The following CKM variants were observed in gnomAD, a reference collection of about 807,000 sequenced individuals.
CKM encodes creatine kinase M-type.
A neutral mutation model predicts 35.4 loss-of-function variants in CKM; 28 were observed. The observed-to-expected ratio is 0.79, with a 90% CI of 0.59 to 1.08. The LOEUF (loss-of-function observed/expected upper bound fraction) is 1.08. CKM is among the 50% of genes least tolerant of loss of function. The probability of loss-of-function intolerance (pLI) is 0.00; values close to 1 mark genes in which losing one functional copy is unlikely to be tolerated. For synonymous variants in CKM, 215 were observed against 204.4 expected (o/e 1.05, Z -0.44); for missense variants, 484 against 509.8 (o/e 0.95, Z 0.49).
chr19:45,319,029 G>A (rs1971186103), intron 2 of CKM, among the ~76,000 whole-genome samples: 2 of 151,898 alleles, frequency 1.3e-5, no homozygotes, highest in South Asian at 4.2e-4. Context: ...TAATTTTTTT[G>A]TATTTTTTGT....
At chr19:45,314,997 C>G (rs1373245674) in intron 4 of CKM, among the ~76,000 whole-genome samples, 1 of 151,994 alleles carries the variant, frequency 6.6e-6, no homozygotes, top group Non-Finnish European at 1.5e-5. Context: ...CCACTGTGCC[C>G]GGCCTCAACT....
rs766991883 is a variant in CKM, at chr19:45,306,748, G to A, written c.*2C>T. 6.2e-7 allele frequency: 1 copy of A among 1,613,970 alleles called. No homozygotes were observed. ...AGCAGTCGGTGGCAGGTGGGCAGGCGCCTACTTCTGGGCGGGGATCATGTC... is the reference window on the plus strand; with the variant it reads ...AGCAGTCGGTGGCAGGTGGGCAGGCACCTACTTCTGGGCGGGGATCATGTC... On this transcript the variant is annotated 3_prime_UTR_variant, in exon 8 of 8. Coordinates refer to ENST00000221476, the MANE Select transcript of CKM (RefSeq NM_001824.5). This position sits in a 1 kb window ranked among gnomAD's most constrained non-coding sequence, Gnocchi z 4.5.
At chr19:45,307,336 A>G in intron 7 of CKM, 125 bp downstream of exon 7, 1 of 820,278 alleles carries the variant, frequency 1.2e-6, no homozygotes, top group Non-Finnish European at 2.0e-6. Flanking sequence ...AAGAAATGCA[A>G]GCTCACAGAG....
rs763773888 is a variant in CKM at position 45,311,802 on chromosome 19, C to T, written c.600G>A (p.Pro200=). The change falls in exon 5 of 8, where the codon CCG becomes CCA. Residue 200 remains proline (P), a synonymous_variant. Transcript: ENST00000221476. ...GGGCCATGCCTGAGGCCAGCAGCAGCGGGGACACGGGCTTGTCGAACAGGA... is the reference window on the plus strand; with the variant it reads ...GGGCCATGCCTGAGGCCAGCAGCAGTGGGGACACGGGCTTGTCGAACAGGA... ...DHFLFDKPVS[P]LLLASGMARD... 1.4e-5 allele frequency: 22 copies of T among 1,609,276 alleles called. No homozygotes were observed. The highest frequency in any genetic ancestry group is 4.4e-5 in the South Asian group (4 of 90,260).
chr19:45,307,426 C>G, intron 7 of CKM, 35 bp downstream of exon 7: 1 of 1,605,468 alleles, frequency 6.2e-7, no homozygotes, highest in Non-Finnish European at 8.5e-7. Flanking sequence ...CCTCGCTCCC[C>G]CTCCGTCGTG....
At chr19:45,308,248 T>G (rs1487824052) in intron 6 of CKM, among the ~76,000 whole-genome samples, 161 bp downstream of exon 6, 11 of 47,284 alleles carry the variant, frequency 2.3e-4, no homozygotes, top group Admixed American at 1.3e-3. Flanking sequence ...GGGCTAGTTT[T>G]GGGGGGCGGG....
chr19:45,321,653 C>T (rs1042366952), intron 1 of CKM, among the ~76,000 whole-genome samples: 6 of 151,696 alleles, frequency 4.0e-5, no homozygotes, highest in African/African-American at 1.5e-4. Flanking sequence ...GAGATGGGGT[C>T]TCACTATGTT....
At chr19:45,318,613 C>T (rs1296712398) in intron 2 of CKM, among the ~76,000 whole-genome samples, 2 of 152,032 alleles carry the variant, frequency 1.3e-5, no homozygotes, top group Admixed American at 6.6e-5. Flanking sequence ...AAAGTCATGA[C>T]ATCTTAGCCT....
chr19:45,309,678 A>G (rs769652502), intron 5 of CKM, among the ~76,000 whole-genome samples: 15 of 152,062 alleles, frequency 9.9e-5, no homozygotes, highest in Non-Finnish European at 1.6e-4. Flanking sequence ...CCTGAGCAAC[A>G]TGGCAGAACG....
intron 5 of CKM, among the ~76,000 whole-genome samples, chr19:45,311,178 A>G (rs1049411144): frequency 3.3e-5 from 5 of 150,660 alleles, no homozygotes; most frequent in Non-Finnish European, 7.4e-5. Context: ...GCAGCCTCCC[A>G]AAGTGCTGGG....
chr19:45,311,672 GGAGGAGT>G, intron 5 of CKM, 70 bp downstream of exon 5: 1 of 1,263,352 alleles, frequency 7.9e-7, no homozygotes, highest in Non-Finnish European at 1.1e-6. Flanking sequence ...TGGTTTTGGT[GGAGGAGT>G]GAGGAGGGCC....
rs201470105 is a variant in CKM, at chr19:45,319,553, T to C, written c.161A>G (p.Asp54Gly). 7.4e-6 allele frequency: 12 copies of C among 1,614,060 alleles called. No individual in the cohort carries two copies. The East Asian group carries it at 2.7e-4, about 36-fold the overall frequency. The change falls in exon 2 of 8, where the codon GAC becomes GGC. Residue 54 changes from aspartate to glycine, a missense_variant. Physicochemically the swap from Asp to Gly is moderately conservative, Grantham distance 94. Coordinates refer to ENST00000221476, the MANE Select transcript of CKM (RefSeq NM_001824.5). ...GTCCACTCCTGTCTGGATGACATCG[T>C]CTACAGTGAAGCCAGATGGAGTCTC... is the stretch of plus-strand genomic sequence containing the variant. ...DKETPSGFTV[D>G]DVIQTGVDNP...
Position 45,306,868 on chromosome 19 carries a change from C to G in CKM, c.1028G>C (p.Gly343Ala). 1.2e-6 allele frequency: 2 copies of G among 1,614,190 alleles called. No homozygotes were observed. Among genetic ancestry groups the G allele is most frequent in the Non-Finnish European group, 1.7e-6 (2 of 1,180,030 alleles). ...VFDVSNADRL[G>A]SSEVEQVQLV... ...CTGCACCTGTTCTACTTCGGACGAG[C>G]CCAGCCGATCAGCGTTGGACACGTC... Residue 343 changes from glycine to alanine, a missense_variant, in exon 8 of 8, where the codon GGC (glycine) becomes GCC (alanine). Transcript: ENST00000221476. This position sits in a 1 kb window ranked among gnomAD's most constrained non-coding sequence, Gnocchi z 4.5.
intron 4 of CKM, among the ~76,000 whole-genome samples, chr19:45,313,869 T>G (rs1161372139): frequency 6.6e-6 from 1 of 151,692 alleles, no homozygotes; most frequent in African/African-American, 2.4e-5. Flanking sequence ...CTTTTCAAAC[T>G]ATTACTGCTG....
chr19:45,310,159 C>T (rs1176112664), intron 5 of CKM, among the ~76,000 whole-genome samples: 45 of 112,558 alleles, frequency 4.0e-4, no homozygotes, highest in Non-Finnish European at 5.0e-4. Context: ...CTTGGTCTGT[C>T]GCCCAGGCTG....
intron 2 of CKM, 87 bp downstream of exon 2, chr19:45,319,434 C>CT: frequency 2.9e-6 from 3 of 1,033,036 alleles, no homozygotes; most frequent in South Asian, 2.7e-5. Context: ...AGGCCCCCCC[C>CT]CCTTCAAGGG....
At chr19:45,308,598 C>T (rs1599814319) in intron 5 of CKM, 66 bp from the exon 6 acceptor site, 2 of 1,609,126 alleles carry the variant, frequency 1.2e-6, no homozygotes, top group South Asian at 1.1e-5. Flanking sequence ...TCCCAGCCCT[C>T]CCCCAAAACA....
At position 45,318,090 on chromosome 19, in the gene CKM, A is replaced by C; in HGVS notation, c.194-111T>G. The C allele has an allele frequency of 3.7e-6, 3 of 805,166 alleles. No individual in the cohort carries two copies. In the South Asian group the frequency reaches 4.7e-5, roughly 13 times the overall value. 49.9% of individuals were successfully genotyped at this position (805,166 alleles called of 1,614,324 possible). A position where few individuals can be genotyped will look rare whatever the true frequency, so the allele number is the denominator to read the frequency against. On this transcript the variant is annotated intron_variant, in intron 2 of 7. Transcript: ENST00000221476. Reference sequence around the variant, plus strand: ...TGTGTGTCGGGATGGGGGCGGGTACATTCAATACCTCTGGGTGGGAATTGA... The same window carrying C: ...TGTGTGTCGGGATGGGGGCGGGTACCTTCAATACCTCTGGGTGGGAATTGA...
chr19:45,321,764 G>A (rs2123148269), intron 1 of CKM, among the ~76,000 whole-genome samples: 1 of 152,228 alleles, frequency 6.6e-6, no homozygotes, highest in Middle Eastern at 3.4e-3. Context: ...AGGTCCTACT[G>A]TTATTATTAT....
Sources: allele counts gnomAD v4.1 joint callset (sites outside exome capture counted in the v4.1 genomes callset), GRCh38; gene constraint gnomAD v4.1.1; non-coding constraint Gnocchi (gnomAD v3.1); transcripts MANE v1.5; gene names NCBI Gene and HGNC (gene_info 2026-07-23, HGNC 2026-07-21).